The following GAB2 variants were observed in gnomAD, a reference collection of about 807,000 sequenced individuals.
GAB2 encodes GRB2 associated binding protein 2.
In GAB2, 26 loss-of-function variants were observed where a neutral mutation model predicts 65.5. That is an observed-to-expected ratio of 0.40 (90% CI 0.29 to 0.55). The LOEUF is 0.55. GAB2 is among the 20% of genes least tolerant of loss of function. GAB2 has a pLI of 0.53. For synonymous variants in GAB2, 321 were observed against 329.6 expected (o/e 0.97, Z 0.28); for missense variants, 884 against 875.8 (o/e 1.01, Z -0.12).
intron 1 of GAB2, among the ~76,000 whole-genome samples, chr11:78,309,785 G>A (rs764513720): frequency 6.6e-6 from 1 of 152,132 alleles, no homozygotes; most frequent in Non-Finnish European, 1.5e-5. Flanking sequence ...TCAGGATATA[G>A]AGAGTAACAT....
intron 3 of GAB2, among the ~76,000 whole-genome samples, chr11:78,249,217 A>T (rs1469051090): frequency 6.6e-6 from 1 of 152,218 alleles, no homozygotes; most frequent in Admixed American, 6.5e-5. Flanking sequence ...AAATGGAGAT[A>T]AATTTTGTAT....
Position 78,250,171 on chromosome 11 carries a change from T to G in GAB2, c.606A>C (p.Arg202Ser). 6.2e-7 allele frequency: 1 copy of G among 1,613,022 alleles called. No homozygotes were observed. Among genetic ancestry groups the G allele is most frequent in the Non-Finnish European group, 8.5e-7 (1 of 1,179,920 alleles). ...CAGCCTCCTACCTTGCATTTTCTGC[T>G]CTTCGGCTTATGCACTGGTGCAAGT... ...YLYLHQCISR[R>S]AENARSASFS... Residue 202 changes from arginine to serine, a missense_variant, in exon 3 of 10, where the codon AGA (arginine) becomes AGC (serine). By Grantham distance (110) the Arg-to-Ser change is moderately radical. Transcript: ENST00000361507.
intron 1 of GAB2, among the ~76,000 whole-genome samples, chr11:78,282,889 G>A (rs1232188707): frequency 1.3e-5 from 2 of 151,920 alleles, no homozygotes; most frequent in African/African-American, 2.4e-5. Context: ...CTATTTCTGC[G>A]ATCCATTATC....
At chr11:78,293,913 TTTTTA>T (rs758378201) in intron 1 of GAB2, among the ~76,000 whole-genome samples, 32 of 107,916 alleles carry the variant, frequency 3.0e-4, no homozygotes, top group Admixed American at 2.1e-3. Context: ...TATGAGTCTT[TTTTTA>T]TTTTTATTTT....
Position 78,349,827 on chromosome 11 carries a change from T to C in GAB2, c.75+67819A>G, listed in dbSNP as rs116305402. On this transcript the variant is annotated intron_variant, in intron 1 of 9. Coordinates refer to ENST00000361507, the MANE Select transcript of GAB2 (RefSeq NM_080491.3). The stretch of plus-strand genomic sequence containing the variant: ...GCATTTGCTGGTATTTTGTTAACTT[T>C]TGGCTCCTCCATGTTCACCCACCCA... Among the ~76,000 whole-genome samples the C allele has an allele frequency of 2.2e-3, 331 of 152,136 alleles. 1 individual carries two copies. Among genetic ancestry groups the C allele is most frequent in the African/African-American group, 7.0e-3 (292 of 41,504 alleles).
In GAB2 at chr11:78,336,401, A is replaced by G. The variant is rs146297142; in HGVS notation, c.76-55500T>C. The stretch of plus-strand genomic sequence containing the variant: ...ATTTCCCAGATTGTTCACTGTTGAC[A>G]TATAGAAATGCTACTGATTTTTGTA... On this transcript the variant is annotated intron_variant, in intron 1 of 9. Coordinates refer to ENST00000361507, the MANE Select transcript of GAB2 (RefSeq NM_080491.3). Among the ~76,000 whole-genome samples the G allele has an allele frequency of 2.7e-5, 4 of 148,672 alleles. No homozygotes were observed. In the East Asian group the frequency reaches 7.8e-4, roughly 29 times the overall value.
intron 1 of GAB2, among the ~76,000 whole-genome samples, chr11:78,409,337 C>A (rs1047295854): frequency 6.6e-6 from 1 of 152,148 alleles, no homozygotes; most frequent in Non-Finnish European, 1.5e-5. Flanking sequence ...GTAATCCCAG[C>A]ACTTTGGGAG....
intron 2 of GAB2, among the ~76,000 whole-genome samples, chr11:78,253,578 A>G (rs536836323): frequency 6.6e-6 from 1 of 152,130 alleles, no homozygotes; most frequent in Non-Finnish European, 1.5e-5. Context: ...ACAGGTATAA[A>G]GCCCTGCACC....
chr11:78,315,052 A>G (rs1855573275), intron 1 of GAB2, among the ~76,000 whole-genome samples: 1 of 152,216 alleles, frequency 6.6e-6, no homozygotes, highest in African/African-American at 2.4e-5. Context: ...CAGACTGTAG[A>G]AAAGCTTTCA....
At chr11:78,309,971 T>TGTGTGTGTGTGTGTGTGTGTACGC (rs1421836447) in intron 1 of GAB2, among the ~76,000 whole-genome samples, 2 of 120,090 alleles carry the variant, frequency 1.7e-5, no homozygotes, top group Admixed American at 8.0e-5. Context: ...TGTGTGTGTG[T>TGTGTGTGTGTGTGTGTGTGTACGC]GCGCGCGCGC....
intron 1 of GAB2, among the ~76,000 whole-genome samples, chr11:78,367,047 T>C (rs1188624599): frequency 6.6e-6 from 1 of 152,134 alleles, no homozygotes; most frequent in African/African-American, 2.4e-5. Flanking sequence ...ATAAGTCATA[T>C]ACAAAATTAT....
At chr11:78,376,050 G>T (rs932243092) in intron 1 of GAB2, among the ~76,000 whole-genome samples, 3 of 152,194 alleles carry the variant, frequency 2.0e-5, no homozygotes, top group African/African-American at 7.2e-5. Context: ...AGATCAGAAC[G>T]TAAGTATAAT....
chr11:78,372,753 C>A (rs1825700244), intron 1 of GAB2, among the ~76,000 whole-genome samples: 1 of 152,142 alleles, frequency 6.6e-6, no homozygotes, highest in Non-Finnish European at 1.5e-5. Flanking sequence ...TCGTAACACA[C>A]TTTTTATCTC....
At chr11:78,245,919 T>C (rs1009454552) in intron 3 of GAB2, among the ~76,000 whole-genome samples, 3 of 152,108 alleles carry the variant, frequency 2.0e-5, no homozygotes, top group Admixed American at 6.6e-5. Context: ...AACTCCTTGG[T>C]TGGCAGAGGG....
At chr11:78,265,739 G>A (rs546491762) in intron 2 of GAB2, among the ~76,000 whole-genome samples, 3 of 151,982 alleles carry the variant, frequency 2.0e-5, no homozygotes, top group Admixed American at 2.0e-4. Flanking sequence ...CATGTTATAT[G>A]TTTCAATATA....
intron 3 of GAB2, among the ~76,000 whole-genome samples, chr11:78,249,673 C>G (rs750685462): frequency 3.9e-5 from 6 of 152,112 alleles, no homozygotes; most frequent in Non-Finnish European, 8.8e-5. Flanking sequence ...GCTAGTACAA[C>G]TAAGGAACTG....
chr11:78,415,385 A>T (rs114920579), intron 1 of GAB2, among the ~76,000 whole-genome samples: 1 of 152,204 alleles, frequency 6.6e-6, no homozygotes, highest in Admixed American at 6.5e-5. Flanking sequence ...GCTTGGTTCT[A>T]ATGAACTCGG....
chr11:78,327,626 G>T (rs1855846921), intron 1 of GAB2, among the ~76,000 whole-genome samples: 1 of 152,132 alleles, frequency 6.6e-6, no homozygotes, highest in Non-Finnish European at 1.5e-5. Flanking sequence ...GAATGAAAAG[G>T]TAGGTTGAGT....
rs1205782337 is a variant in GAB2 at position 78,221,779 on chromosome 11, G to A, written c.1659C>T (p.Asn553=). 1 of 1,608,136 alleles carries A rather than the reference G, an allele frequency of 6.2e-7. No individual in the cohort carries two copies. Among genetic ancestry groups the A allele is most frequent in the African/African-American group, 1.3e-5 (1 of 74,794 alleles). The change falls in exon 8 of 10, where the codon AAC becomes AAT. Residue 553 remains asparagine, a splice_region_variant and synonymous_variant. Transcript: ENST00000361507. Reference sequence around the variant, plus strand: ...GGGAGGAGCTGGAGTTGAAGGTGTGGCTGTTGTGGGAAGGAAGAGTTAACA... The same window carrying A: ...GGGAGGAGCTGGAGTTGAAGGTGTGACTGTTGTGGGAAGGAAGAGTTAACA... ...SPITKSWSRA[N]HTFNSSSSQY... is the part of the protein sequence containing the mutation.
Sources: allele counts gnomAD v4.1 joint callset (sites outside exome capture counted in the v4.1 genomes callset), GRCh38; gene constraint gnomAD v4.1.1; transcripts MANE v1.5; gene names NCBI Gene and HGNC (gene_info 2026-07-23, HGNC 2026-07-21).